Variants in TMEM132B observed in about 807,000 individuals in gnomAD.
The protein encoded by TMEM132B is transmembrane protein 132B.
In TMEM132B, 18 loss-of-function variants were observed where a neutral mutation model predicts 90.8. The observed-to-expected ratio is 0.20, with a 90% CI of 0.14 to 0.29. TMEM132B has a LOEUF of 0.29. TMEM132B is among the 10% of genes least tolerant of loss of function. The pLI, the probability that TMEM132B is intolerant of heterozygous loss-of-function variation, is 1.00. For missense variants in TMEM132B, 1,096 were observed against 1,326.8 expected (o/e 0.83, Z 2.70); for synonymous variants, 504 against 523.3 (o/e 0.96, Z 0.50).
chr12:125,198,653 C>T (rs986519425), intron 1 of TMEM132B, among the ~76,000 whole-genome samples: 7 of 152,196 alleles, frequency 4.6e-5, no homozygotes, highest in African/African-American at 1.7e-4. Context: ...GGAATTAGAA[C>T]CACGTTGCCA....
chr12:125,400,944 A>T (rs947723438), intron 2 of TMEM132B, among the ~76,000 whole-genome samples: 1 of 152,198 alleles, frequency 6.6e-6, no homozygotes, highest in Admixed American at 6.5e-5. Flanking sequence ...CAACTTGTTT[A>T]AAAACACAGC....
Position 125,498,624 on chromosome 12 carries a change from C to T in TMEM132B, c.1107-20815C>T, listed in dbSNP as rs1022892533. Reference sequence around the variant, plus strand: ...TGGTGGAGGGACTCAGAAAACATAACTCAGGAGACAGGTAAAGAGGATACC... The same window carrying T: ...TGGTGGAGGGACTCAGAAAACATAATTCAGGAGACAGGTAAAGAGGATACC... On this transcript the variant is annotated intron_variant, in intron 3 of 8. Coordinates refer to ENST00000682704, the MANE Select transcript of TMEM132B (RefSeq NM_001366854.1). The surrounding 1 kb of genome is among the most constrained non-coding windows in gnomAD (Gnocchi z 4.5). Among the ~76,000 whole-genome samples, 38 of 152,330 alleles carry T rather than the reference C, an allele frequency of 2.5e-4. No individual in the cohort carries two copies. The highest frequency in any genetic ancestry group is 2.2e-3 in the Admixed American group (34 of 15,306).
intron 5 of TMEM132B, among the ~76,000 whole-genome samples, chr12:125,599,184 G>A (rs375179032): frequency 2.1e-4 from 32 of 152,120 alleles, no homozygotes; most frequent in African/African-American, 7.5e-4. Flanking sequence ...TGGTGATACT[G>A]AATAAGTCTC....
intron 2 of TMEM132B, among the ~76,000 whole-genome samples, chr12:125,372,590 C>T (rs1445659942): frequency 6.6e-6 from 1 of 152,266 alleles, no homozygotes; most frequent in African/African-American, 2.4e-5. Context: ...AATAAGGACA[C>T]CCATTTTGCA....
chr12:125,608,328 A>T (rs1885745484), intron 5 of TMEM132B, among the ~76,000 whole-genome samples: 1 of 152,188 alleles, frequency 6.6e-6, no homozygotes, highest in African/African-American at 2.4e-5. Context: ...TATTTCTCTA[A>T]TGGCTAATGA....
At chr12:125,250,734 G>T (rs929625360) in intron 1 of TMEM132B, among the ~76,000 whole-genome samples, 1 of 152,148 alleles carries the variant, frequency 6.6e-6, no homozygotes, top group Admixed American at 6.5e-5. Flanking sequence ...GAGTAGGAGG[G>T]GGCTGCAAGT....
chr12:125,494,465 A>C (rs1882467544), intron 3 of TMEM132B, among the ~76,000 whole-genome samples: 1 of 122,040 alleles, frequency 8.2e-6, no homozygotes. Flanking sequence ...CTCCCCAAAA[A>C]TGGATGCGTC....
intron 1 of TMEM132B, among the ~76,000 whole-genome samples, chr12:125,346,099 G>A (rs1481952594): frequency 6.6e-6 from 1 of 152,164 alleles, no homozygotes. Flanking sequence ...GACAAAATTT[G>A]TATTGCATTT....
At chr12:125,557,154 ACATATGTT>A (rs1186996300) in intron 4 of TMEM132B, among the ~76,000 whole-genome samples, 1 of 152,166 alleles carries the variant, frequency 6.6e-6, no homozygotes, top group Non-Finnish European at 1.5e-5. Context: ...TAATGTATAC[ACATATGTT>A]CATATACATA....
In TMEM132B at chr12:125,599,059, T is replaced by C. The variant is rs574697069; in HGVS notation, c.1437+15065T>C. On this transcript the variant is annotated intron_variant, in intron 5 of 8. Coordinates refer to ENST00000682704, the MANE Select transcript of TMEM132B (RefSeq NM_001366854.1). ...TAGTGAGGGAGCAACATAGTTTGGC[T>C]GTGTCCCCACCCAAATCTCATCTTG... Among the ~76,000 whole-genome samples, 8 of 152,314 alleles carry C rather than the reference T, an allele frequency of 5.3e-5. No homozygotes were observed. The South Asian group carries it at 1.7e-3, about 32-fold the overall frequency.
intron 1 of TMEM132B, among the ~76,000 whole-genome samples, chr12:125,259,918 C>T (rs566228786): frequency 4.6e-5 from 7 of 151,960 alleles, no homozygotes; most frequent in African/African-American, 9.7e-5. Context: ...AGTCAGCTCT[C>T]GGTGACCTTG....
At chr12:125,449,854 GA>G (rs1881104293) in intron 3 of TMEM132B, among the ~76,000 whole-genome samples, 1 of 152,278 alleles carries the variant, frequency 6.6e-6, no homozygotes, top group African/African-American at 2.4e-5. Flanking sequence ...AATAATTTTA[GA>G]AGTTTTCAAG....
chr12:125,647,448 A>T (rs1886794689), intron 6 of TMEM132B, among the ~76,000 whole-genome samples: 1 of 152,246 alleles, frequency 6.6e-6, no homozygotes, highest in South Asian at 2.1e-4. Flanking sequence ...AGACAAAGAC[A>T]GTCTTAAAAA....
At chr12:125,321,520 C>T (rs1263625261) in intron 1 of TMEM132B, among the ~76,000 whole-genome samples, 10 of 145,900 alleles carry the variant, frequency 6.9e-5, no homozygotes, top group Admixed American at 4.9e-4. Flanking sequence ...TCCTGTTGCT[C>T]AGGCTGGAGT....
chr12:125,275,028 T>A (rs1874952204), intron 1 of TMEM132B, among the ~76,000 whole-genome samples: 1 of 152,204 alleles, frequency 6.6e-6, no homozygotes, highest in Admixed American at 6.5e-5. Context: ...TAACTTACCA[T>A]CTGTTCGACT....
At chr12:125,529,701 G>A (rs117518040) in intron 4 of TMEM132B, among the ~76,000 whole-genome samples, 236 of 152,330 alleles carry the variant, frequency 1.5e-3, no homozygotes, top group Non-Finnish European at 2.6e-3. Context: ...CCATAAGTAG[G>A]AGGGCATTTT....
intron 3 of TMEM132B, among the ~76,000 whole-genome samples, chr12:125,472,508 T>C (rs534731068): frequency 1.3e-5 from 2 of 152,316 alleles, no homozygotes; most frequent in South Asian, 4.1e-4. Flanking sequence ...TAGAATCTTG[T>C]TCTAGGACCT....
rs1398409671 is a variant in TMEM132B, at chr12:125,349,281, A to T, written c.68-171A>T. 6.6e-6 allele frequency among the ~76,000 whole-genome samples: 1 copy of T among 152,156 alleles called. No homozygotes were observed. The highest frequency in any genetic ancestry group is 1.9e-4 in the East Asian group (1 of 5,184). On this transcript the variant is annotated intron_variant, in intron 1 of 8. Transcript: ENST00000682704. This position sits in a 1 kb window ranked among gnomAD's most constrained non-coding sequence, Gnocchi z 4.1. The stretch of plus-strand genomic sequence containing the variant: ...CACTCTGTGCTGTCTTTTTGGGAAG[A>T]TCCTGAAGACCATACTTTATATAAT...
chr12:125,477,853 C>T (rs1881929977), intron 3 of TMEM132B, among the ~76,000 whole-genome samples: 1 of 152,138 alleles, frequency 6.6e-6, no homozygotes, highest in Non-Finnish European at 1.5e-5. Context: ...CCAACTGACA[C>T]CTCATACAGC....
Sources: allele counts gnomAD v4.1 joint callset (sites outside exome capture counted in the v4.1 genomes callset), GRCh38; gene constraint gnomAD v4.1.1; non-coding constraint Gnocchi (gnomAD v3.1); transcripts MANE v1.5; gene names NCBI Gene and HGNC (gene_info 2026-07-23, HGNC 2026-07-21).